Variants in AKAP8L observed in about 807,000 individuals in gnomAD.
The protein encoded by AKAP8L is A-kinase anchoring protein 8 like.
A neutral mutation model predicts 77.5 loss-of-function variants in AKAP8L; 34 were observed. The observed-to-expected ratio is 0.44, with a 90% confidence interval of 0.33 to 0.58. The LOEUF (loss-of-function observed/expected upper bound fraction) is 0.58. Among genes scored for constraint, AKAP8L ranks in the 20% least tolerant of loss-of-function variants. The pLI is 0.02. For missense variants in AKAP8L, 806 were observed against 887.6 expected, an observed-to-expected ratio of 0.91 and a Z score of 1.17; for synonymous variants, 342 against 340.7, an observed-to-expected ratio of 1.00 and a Z score of -0.04.
rs1374023753 is a variant in AKAP8L at position 15,399,316 on chromosome 19, G to A, written c.1143C>T (p.Asp381=). The change falls in exon 9 of 14, where the codon GAC becomes GAT. Residue 381 remains aspartate, a synonymous_variant. Coordinates refer to ENST00000397410, the MANE Select transcript of AKAP8L (RefSeq NM_014371.4). This position sits in a 1 kb window ranked among gnomAD's most constrained non-coding sequence, Gnocchi z 6.1. ...AAGCTGGTTACCTTTCCACCATGCG[G>A]TCTCGCTGCCGCTTTTTCTGCTTGT... ...SQDKQKKRQR[D]RMVERIQFVC... is the part of the protein sequence containing the mutation. 1 of 1,613,720 alleles carries A rather than the reference G, an allele frequency of 6.2e-7. No individual in the cohort carries two copies. The highest frequency in any genetic ancestry group is 8.5e-7 in the Non-Finnish European group (1 of 1,179,812).
In AKAP8L at chr19:15,380,394, T is replaced by C. The variant is rs1568258405; in HGVS notation, c.1669A>G (p.Lys557Glu). 5 of 1,588,558 alleles carry C rather than the reference T, an allele frequency of 3.1e-6. No individual in the cohort carries two copies. The highest frequency in any genetic ancestry group is 3.4e-6 in the Non-Finnish European group (4 of 1,169,464). Residue 557 changes from lysine (K) to glutamate (E), a missense_variant, in exon 14 of 14, where the codon AAG becomes GAG. Coordinates refer to ENST00000397410, the MANE Select transcript of AKAP8L (RefSeq NM_014371.4). ...CCGCCCTCAGCCTCCTCCTGCTCCT[T>C]CTCCTCCTCGGGGCTGTCGGTGAAA... ...NPFTDSPEEE[K>E]EQEEAEGGAL...
intron 2 of AKAP8L, among the ~76,000 whole-genome samples, chr19:15,408,407 A>G (rs542100615): frequency 6.6e-6 from 1 of 152,014 alleles, no homozygotes; most frequent in African/African-American, 2.4e-5. Flanking sequence ...TACTAATAAT[A>G]CAAAAATTAG....
Position 15,397,833 on chromosome 19 carries a change from A to G in AKAP8L, c.1180T>C (p.Cys394Arg). 6.2e-7 allele frequency: 1 copy of G among 1,613,922 alleles called. No homozygotes were observed. The highest frequency in any genetic ancestry group is 8.5e-7 in the Non-Finnish European group (1 of 1,179,868). ...VERIQFVCSL[C>R]KYRTFYEDEM... ...TCCTCATAGAAGGTCCGGTATTTGCACAGAGAACACACAAACTGGATCCTG... is the reference window on the plus strand; with the variant it reads ...TCCTCATAGAAGGTCCGGTATTTGCGCAGAGAACACACAAACTGGATCCTG... Residue 394 changes from cysteine (C) to arginine (R), a missense_variant, in exon 10 of 14, where the codon TGC (cysteine) becomes CGC (arginine). Physicochemically the swap from Cys to Arg is radical, Grantham distance 180. Transcript: ENST00000397410. The surrounding 1 kb of genome is among the most constrained non-coding windows in gnomAD (Gnocchi z 4.7).
At chr19:15,391,528 TTTTTA>T (rs909202930) in intron 12 of AKAP8L, among the ~76,000 whole-genome samples, 6 of 149,274 alleles carry the variant, frequency 4.0e-5, no homozygotes, top group Admixed American at 1.3e-4. Flanking sequence ...TATGTTTTTA[TTTTTA>T]TTTTATTTTA....
chr19:15,409,415 A>G (rs1968065613), intron 2 of AKAP8L, among the ~76,000 whole-genome samples: 2 of 152,122 alleles, frequency 1.3e-5, no homozygotes, highest in African/African-American at 4.8e-5. Flanking sequence ...ATACCTTCTC[A>G]CTCAATTTCA....
chr19:15,384,980 C>CTTT (rs940796391), intron 12 of AKAP8L, among the ~76,000 whole-genome samples: 9 of 137,956 alleles, frequency 6.5e-5, no homozygotes, highest in African/African-American at 2.4e-4. Flanking sequence ...ATGCCATTCT[C>CTTT]TTTTTTTTTT....
chr19:15,383,500 A>G (rs1369645316), intron 12 of AKAP8L: 1 of 152,056 alleles, frequency 6.6e-6, no homozygotes, highest in African/African-American at 2.4e-5. Context: ...AGCCTTGCAT[A>G]TTGGTTTTCT....
chr19:15,401,283 G>A lies in AKAP8L; in HGVS notation c.683C>T (p.Pro228Leu). 1 of 1,613,802 alleles carries A rather than the reference G, an allele frequency of 6.2e-7. No homozygotes were observed. The highest frequency in any genetic ancestry group is 8.5e-7 in the Non-Finnish European group (1 of 1,179,900). Residue 228 changes from proline to leucine, a missense_variant, in exon 5 of 14, where the codon CCC becomes CTC. Transcript: ENST00000397410. The surrounding 1 kb of genome is among the most constrained non-coding windows in gnomAD (Gnocchi z 6.2). ...CATGCCCTGGAACATGCCGTACTCG[G>A]GGATGATGTTCTGGGAGAAGAGGGA... ...LPSLFSQNII[P>L]EYGMFQGMRG...
intron 1 of AKAP8L, among the ~76,000 whole-genome samples, chr19:15,413,254 C>T (rs969738995): frequency 7.2e-5 from 11 of 152,222 alleles, no homozygotes; most frequent in Admixed American, 2.6e-4. Flanking sequence ...CCAAAACTCA[C>T]GCTGGAGCTG....
chr19:15,410,520 C>G lies in AKAP8L; in HGVS notation c.88G>C (p.Gly30Arg), dbSNP rs1465962792. The G allele has an allele frequency of 1.7e-5, 26 of 1,575,622 alleles. No homozygotes were observed. In the Admixed American group the frequency reaches 4.8e-4, roughly 29 times the overall value. The change falls in exon 2 of 14, where the codon GGA (glycine) becomes CGA (arginine). Residue 30 changes from glycine to arginine, a missense_variant and splice_region_variant. Around this residue, in one of 2 missense-constraint regions of AKAP8L, gnomAD observed 580 missense variants for 694.1 expected, o/e 0.84. Coordinates refer to ENST00000397410, the MANE Select transcript of AKAP8L (RefSeq NM_014371.4). Reference sequence around the variant, plus strand: ...GTTCCCACCAGAAGTCCACACTTACCATAATCACAGGTGGGCTGAGCGCTG... The same window carrying G: ...GTTCCCACCAGAAGTCCACACTTACGATAATCACAGGTGGGCTGAGCGCTG... ...DTSAQPTCDY[G>R]YGTWNSGTNR... is the part of the protein sequence containing the mutation.
intron 7 of AKAP8L, 123 bp from the exon 8 acceptor site, chr19:15,400,481 T>A: frequency 9.8e-7 from 1 of 1,016,742 alleles, no homozygotes; most frequent in Middle Eastern, 2.3e-4. Context: ...AGAGCAGGGC[T>A]ATCCTATAGG....
chr19:15,383,746 A>C (rs1245141970), intron 12 of AKAP8L: 1 of 152,138 alleles, frequency 6.6e-6, no homozygotes, highest in Non-Finnish European at 1.5e-5. Context: ...TGTTAGACTG[A>C]ATTTTACAAT....
rs776706669 is a variant in AKAP8L at position 15,397,946 on chromosome 19, C to T, written c.1158-91G>A. 16 of 1,508,548 alleles carry T rather than the reference C, an allele frequency of 1.1e-5. No homozygotes were observed. The highest frequency in any genetic ancestry group is 1.4e-5 in the Non-Finnish European group (16 of 1,115,946). 93.4% of individuals were successfully genotyped at this position (1,508,548 alleles called of 1,614,324 possible). Reference sequence around the variant, plus strand: ...CCCAACCCAGACACAAGCCCTGAAACAGGCCTTGCTCACGGGCCTCTGAAG... The same window carrying T: ...CCCAACCCAGACACAAGCCCTGAAATAGGCCTTGCTCACGGGCCTCTGAAG... On this transcript the variant is annotated intron_variant, in intron 9 of 13. Coordinates refer to ENST00000397410, the MANE Select transcript of AKAP8L (RefSeq NM_014371.4). The surrounding 1 kb of genome is among the most constrained non-coding windows in gnomAD (Gnocchi z 4.7).
intron 12 of AKAP8L, among the ~76,000 whole-genome samples, chr19:15,395,998 AAAAAG>A (rs968945011): frequency 1.4e-5 from 2 of 146,132 alleles, no homozygotes. Context: ...AAAAAAAAAA[AAAAAG>A]AATCTGTTTT....
In AKAP8L at chr19:15,402,426, G is replaced by A. The variant is rs533702330; in HGVS notation, c.363-823C>T. ...TAAACCTGGGCCACCAAGAGGCACCGGCAGCTCTAAGAGCAGCAGTTGGTG... is the reference window on the plus strand; with the variant it reads ...TAAACCTGGGCCACCAAGAGGCACCAGCAGCTCTAAGAGCAGCAGTTGGTG... On this transcript the variant is annotated intron_variant, in intron 4 of 13. Coordinates refer to ENST00000397410, the MANE Select transcript of AKAP8L (RefSeq NM_014371.4). 2.0e-5 allele frequency among the ~76,000 whole-genome samples: 3 copies of A among 152,242 alleles called. No individual in the cohort carries two copies. The East Asian group carries it at 5.8e-4, about 29-fold the overall frequency.
chr19:15,403,447 C>T lies in AKAP8L; in HGVS notation c.362+28G>A, dbSNP rs927491229. 3.1e-6 allele frequency: 5 copies of T among 1,611,786 alleles called. No individual in the cohort carries two copies. The African/African-American group carries it at 6.7e-5, about 22-fold the overall frequency. On this transcript the variant is annotated intron_variant, in intron 4 of 13. Coordinates refer to ENST00000397410, the MANE Select transcript of AKAP8L (RefSeq NM_014371.4). The surrounding 1 kb of genome is among the most constrained non-coding windows in gnomAD (Gnocchi z 4.3). Reference sequence around the variant, plus strand: ...CAGGCAGGAGCCGCCCCTGCAGAGTCTCAACCCCTAGGCAGGTGTCCACTC... The same window carrying T: ...CAGGCAGGAGCCGCCCCTGCAGAGTTTCAACCCCTAGGCAGGTGTCCACTC...
rs376063262 is a variant in AKAP8L, at chr19:15,397,492, G to T, written c.1405+28C>A. On this transcript the variant is annotated intron_variant, in intron 11 of 13. Coordinates refer to ENST00000397410, the MANE Select transcript of AKAP8L (RefSeq NM_014371.4). This position sits in a 1 kb window ranked among gnomAD's most constrained non-coding sequence, Gnocchi z 4.7. ...AGGAGTGCAGGCTGAGGCCTTGCCT[G>T]GTGGGAGTGGGCTGAAAATCTCCTC... 27 of 1,590,072 alleles carry T rather than the reference G, an allele frequency of 1.7e-5. No individual in the cohort carries two copies. The highest frequency in any genetic ancestry group is 2.3e-5 in the Non-Finnish European group (27 of 1,160,142).
chr19:15,385,129 C>G (rs956624026), intron 12 of AKAP8L, among the ~76,000 whole-genome samples: 2 of 152,300 alleles, frequency 1.3e-5, no homozygotes, highest in South Asian at 2.1e-4. Context: ...AGGCGCCCAC[C>G]ACCACGCCCG....
intron 1 of AKAP8L, among the ~76,000 whole-genome samples, chr19:15,416,574 G>A (rs1377435207): frequency 2.0e-5 from 3 of 152,218 alleles, no homozygotes; most frequent in Non-Finnish European, 1.5e-5. Flanking sequence ...AGTCCACATA[G>A]AGATCCTAAA....
Sources: allele counts gnomAD v4.1 joint callset (sites outside exome capture counted in the v4.1 genomes callset), GRCh38; gene constraint gnomAD v4.1.1; regional missense constraint gnomAD v4.1.1; non-coding constraint Gnocchi (gnomAD v3.1); transcripts MANE v1.5; gene names NCBI Gene and HGNC (gene_info 2026-07-23, HGNC 2026-07-21).